The following EXOC2 variants were observed in gnomAD, a reference collection of about 807,000 sequenced individuals.
The protein encoded by EXOC2 is exocyst complex component 2, also known as SEC5-like 1.
A neutral mutation model predicts 131.8 loss-of-function variants in EXOC2; 70 were observed. The ratio of observed to expected loss-of-function variants is 0.53; its 90% CI spans 0.44 to 0.65. The LOEUF (loss-of-function observed/expected upper bound fraction) is 0.65, where lower values mean the gene tolerates loss of function less well. Among genes scored for constraint, EXOC2 ranks in the 30% least tolerant of loss-of-function variants. The pLI, the probability that EXOC2 is intolerant of heterozygous loss-of-function variation, is 0.00. For synonymous variants in EXOC2, 411 were observed against 398.4 expected (o/e 1.03, Z -0.38); for missense variants, 923 against 1,108.6 (o/e 0.83, Z 2.38).
At chr6:652,635 G>A (rs540689185) in intron 1 of EXOC2, among the ~76,000 whole-genome samples, 8 of 151,522 alleles carry the variant, frequency 5.3e-5, no homozygotes, top group Admixed American at 2.6e-4. Flanking sequence ...ACCTCTCTTC[G>A]TTTTTCTCAA....
At chr6:617,067 GGT>G (rs1211164151) in intron 6 of EXOC2, among the ~76,000 whole-genome samples, 1 of 152,048 alleles carries the variant, frequency 6.6e-6, no homozygotes, top group Non-Finnish European at 1.5e-5. Flanking sequence ...AAGCTATATG[GGT>G]ATTTAGTTTT....
chr6:533,470 G>A (rs958235740), intron 22 of EXOC2, among the ~76,000 whole-genome samples: 1 of 152,096 alleles, frequency 6.6e-6, no homozygotes, highest in African/African-American at 2.4e-5. Flanking sequence ...GGGCGTGCAG[G>A]TCAGGCCTTC....
chr6:520,884 C>T (rs1238402686), intron 23 of EXOC2, among the ~76,000 whole-genome samples: 26 of 135,684 alleles, frequency 1.9e-4, no homozygotes, highest in African/African-American at 6.1e-4. Flanking sequence ...ACCCACCGAG[C>T]GCCAACACTC....
rs551436280 is a variant in EXOC2 at position 514,532 on chromosome 6, A to T, written c.2381-14832T>A. Among the ~76,000 whole-genome samples, 4 of 152,358 alleles carry T rather than the reference A, an allele frequency of 2.6e-5. No homozygotes were observed. The East Asian group carries it at 7.7e-4, about 29-fold the overall frequency. On this transcript the variant is annotated intron_variant, in intron 23 of 27. Coordinates refer to ENST00000230449, the MANE Select transcript of EXOC2 (RefSeq NM_018303.6). ...TATCAGATGCTCATTTTCTACTAAAATGAGTAAATCCATGCGCTGCTCCCA... is the reference window on the plus strand; with the variant it reads ...TATCAGATGCTCATTTTCTACTAAATTGAGTAAATCCATGCGCTGCTCCCA...
chr6:686,581 C>A (rs1231761561), intron 1 of EXOC2, among the ~76,000 whole-genome samples: 1 of 152,198 alleles, frequency 6.6e-6, no homozygotes, highest in African/African-American at 2.4e-5. Flanking sequence ...GACAACTTAG[C>A]TCTCAGAGCC....
rs1414218769 is a variant in EXOC2, at chr6:500,578, ATTCACAGCG to A, written c.2381-887_2381-879del. ...GGGGATGCATGCCATAGGTCCTGGC[ATTCACAGCG>A]TTCACTAAGAGCTTTCATTATCATC... On this transcript the variant is annotated intron_variant, in intron 23 of 27. Transcript: ENST00000230449. Among the ~76,000 whole-genome samples the A allele has an allele frequency of 2.0e-5, 3 of 152,324 alleles. No homozygotes were observed. In the South Asian group the frequency reaches 6.2e-4, roughly 32 times the overall value.
intron 22 of EXOC2, among the ~76,000 whole-genome samples, chr6:537,220 G>C (rs1766501291): frequency 6.6e-6 from 1 of 151,536 alleles, no homozygotes; most frequent in South Asian, 2.1e-4. Flanking sequence ...GACCGACGGA[G>C]CGCACACACG....
chr6:507,235 C>G lies in EXOC2; in HGVS notation c.2381-7535G>C, dbSNP rs180809923. 2.5e-3 allele frequency among the ~76,000 whole-genome samples: 182 copies of G among 74,084 alleles called. 5 individuals carry two copies. The highest frequency in any genetic ancestry group is 0.01 in the African/African-American group (170 of 16,596). 48.6% of individuals were successfully genotyped at this position (74,084 alleles called of 152,430 possible). ...CAGTGACCACACACACACACACACA[C>G]AGCAGTGACCCCCCCACACACACAC... On this transcript the variant is annotated intron_variant, in intron 23 of 27. Coordinates refer to ENST00000230449, the MANE Select transcript of EXOC2 (RefSeq NM_018303.6).
At chr6:595,570 C>T (rs1759766186) in intron 10 of EXOC2, among the ~76,000 whole-genome samples, 2 of 152,026 alleles carry the variant, frequency 1.3e-5, no homozygotes, top group Non-Finnish European at 2.9e-5. Flanking sequence ...GGCACTACCA[C>T]CTTTTAAACG....
intron 1 of EXOC2, among the ~76,000 whole-genome samples, chr6:661,194 A>G (rs544764566): frequency 7.2e-5 from 11 of 152,342 alleles, no homozygotes; most frequent in African/African-American, 2.4e-4. Flanking sequence ...GAGGAAGAAG[A>G]GAATTCTAAA....
At chr6:533,348 T>C (rs901791182) in intron 22 of EXOC2, among the ~76,000 whole-genome samples, 1 of 152,218 alleles carries the variant, frequency 6.6e-6, no homozygotes, top group African/African-American at 2.4e-5. Flanking sequence ...TTTCTTCATA[T>C]TAACTAATTC....
chr6:592,618 A>T (rs1456587642), intron 10 of EXOC2, 31 bp from the exon 11 acceptor site: 1 of 1,517,124 alleles, frequency 6.6e-7, no homozygotes, highest in East Asian at 2.3e-5. Flanking sequence ...TTGAGGCCAA[A>T]GGGAAATGCT....
intron 1 of EXOC2, among the ~76,000 whole-genome samples, chr6:682,963 T>C (rs1198409883): frequency 3.9e-5 from 6 of 152,170 alleles, no homozygotes; most frequent in Admixed American, 2.6e-4. Context: ...CATGACTAAA[T>C]TCCTGAAGTC....
chr6:536,386 A>C (rs1766446125), intron 22 of EXOC2, among the ~76,000 whole-genome samples: 3 of 152,286 alleles, frequency 2.0e-5, no homozygotes, highest in Non-Finnish European at 1.5e-5. Flanking sequence ...AATACCTAGG[A>C]ATAAACTTAA....
In EXOC2 at chr6:555,240, T is replaced by C; in HGVS notation, c.2041A>G (p.Ile681Val). ...EQLSTKPDAD[I>V]DTTHLSVDVS... ...ATTTTTACTTACTGTGTAGTATCTA[T>C]ATCTGCATCAGGCTTGGTGCTCAAC... Residue 681 changes from isoleucine to valine, a missense_variant, in exon 20 of 28, where the codon ATA (isoleucine) becomes GTA (valine). Coordinates refer to ENST00000230449, the MANE Select transcript of EXOC2 (RefSeq NM_018303.6). The C allele has an allele frequency of 6.6e-7, 1 of 1,520,060 alleles. No homozygotes were observed. The highest frequency in any genetic ancestry group is 1.7e-5 in the Admixed American group (1 of 57,766). 94.2% of individuals were successfully genotyped at this position (1,520,060 alleles called of 1,614,324 possible).
intron 11 of EXOC2, among the ~76,000 whole-genome samples, chr6:582,740 C>T (rs1482439262): frequency 1.3e-5 from 2 of 151,224 alleles, no homozygotes; most frequent in African/African-American, 4.9e-5. Flanking sequence ...TACATGTATA[C>T]ATATACATAT....
intron 25 of EXOC2, among the ~76,000 whole-genome samples, chr6:496,048 G>T (rs746714478): frequency 6.6e-6 from 1 of 151,806 alleles, no homozygotes; most frequent in Non-Finnish European, 1.5e-5. Flanking sequence ...ATTCCATTTA[G>T]TTCCTGTTTT....
In EXOC2 at chr6:486,481, A is replaced by G. The variant is rs988118776; in HGVS notation, c.*190T>C. 5.5e-6 allele frequency: 3 copies of G among 547,786 alleles called. No individual in the cohort carries two copies. In the African/African-American group the frequency reaches 5.7e-5, roughly 10 times the overall value. 33.9% of individuals were successfully genotyped at this position (547,786 alleles called of 1,614,324 possible). ...TGATCTAGTAAGAATGGCAAAACAA[A>G]TACTTCCTGGGCATTTCAAATGAGG... On this transcript the variant is annotated 3_prime_UTR_variant, in exon 28 of 28. Coordinates refer to ENST00000230449, the MANE Select transcript of EXOC2 (RefSeq NM_018303.6).
At chr6:635,040 G>C (rs1448229857) in intron 2 of EXOC2, among the ~76,000 whole-genome samples, 1 of 152,110 alleles carries the variant, frequency 6.6e-6, no homozygotes, top group Non-Finnish European at 1.5e-5. Flanking sequence ...ATCACTCCAG[G>C]TCAACAGACA....
Sources: gnomAD v4.1 joint callset for allele counts (sites outside exome capture counted in the v4.1 genomes callset) on GRCh38, gnomAD v4.1.1 for gene constraint, MANE v1.5 for transcripts, NCBI Gene and HGNC (gene_info 2026-07-23, HGNC 2026-07-21) for gene names.